Variants in PIEZO2 observed in about 807,000 individuals in gnomAD.
The protein encoded by PIEZO2 is piezo type mechanosensitive ion channel component 2.
A neutral mutation model predicts 337.3 loss-of-function variants in PIEZO2; 172 were observed. That is an observed-to-expected ratio of 0.51 (90% confidence interval 0.45 to 0.58). PIEZO2 has a LOEUF of 0.58. Ranked by LOEUF, PIEZO2 falls within the 20% of genes least tolerant of loss-of-function variation. The pLI is 0.00. For synonymous variants in PIEZO2, 1,251 were observed against 1,228.5 expected, an observed-to-expected ratio of 1.02 and a Z score of -0.38; for missense variants, 3,028 against 3,391.3, an observed-to-expected ratio of 0.89 and a Z score of 2.66.
intron 43 of PIEZO2, among the ~76,000 whole-genome samples, 180 bp from the exon 44 acceptor site, chr18:10,699,357 G>A (rs1415422477): frequency 6.6e-6 from 1 of 152,166 alleles, no homozygotes; most frequent in East Asian, 1.9e-4. Context: ...GAGACCCGGT[G>A]GGACGTAATT....
In PIEZO2 at chr18:10,704,645, G is replaced by A; in HGVS notation, c.6007C>T (p.His2003Tyr). Residue 2003 changes from histidine (H) to tyrosine (Y), a missense_variant, in exon 42 of 56, where the codon CAC becomes TAC. Coordinates refer to ENST00000674853, the MANE Select transcript of PIEZO2 (RefSeq NM_001378183.1). ...TCTGACTCTTCAAGCTCATCGTCGT[G>A]AAACATCCTGTTAAAGCAAACCACA... ...ASELLLKKMF[H>Y]DDELEESEKF... is the part of the protein sequence containing the mutation. 1 of 1,536,210 alleles carries A rather than the reference G, an allele frequency of 6.5e-7. No individual in the cohort carries two copies. Among genetic ancestry groups the A allele is most frequent in the Non-Finnish European group, 8.7e-7 (1 of 1,146,040 alleles).
chr18:10,693,390 T>C (rs1284733814), intron 47 of PIEZO2, among the ~76,000 whole-genome samples: 5 of 114,854 alleles, frequency 4.4e-5, no homozygotes, highest in Admixed American at 4.1e-4. Context: ...GTGTGTGTGA[T>C]GGAGTCTCAC....
chr18:10,750,241 T>C lies in PIEZO2; in HGVS notation c.4168-54A>G, dbSNP rs1385166071. On this transcript the variant is annotated intron_variant, in intron 28 of 55. Transcript: ENST00000674853. This position sits in a 1 kb window ranked among gnomAD's most constrained non-coding sequence, Gnocchi z 4.1. ...GAAGCTCTGCAGCCAGAAAAAAAAG[T>C]GGTGTTTTATGATCCCAACATGTGC... 30 of 1,282,916 alleles carry C rather than the reference T, an allele frequency of 2.3e-5. No individual in the cohort carries two copies. Among genetic ancestry groups the C allele is most frequent in the Non-Finnish European group, 3.3e-5 (30 of 915,698 alleles). 79.5% of individuals were successfully genotyped at this position (1,282,916 alleles called of 1,614,324 possible).
rs943653766 is a variant in PIEZO2 at position 11,080,804 on chromosome 18, A to G, written c.65-14582T>C. 2.6e-5 allele frequency among the ~76,000 whole-genome samples: 4 copies of G among 152,186 alleles called. No individual in the cohort carries two copies. The East Asian group carries it at 5.8e-4, about 22-fold the overall frequency. ...GGTCACGGTGAGCCAAGATGGTGCCACTGCACCCCAGCCTGGCGACAGAGC... is the reference window on the plus strand; with the variant it reads ...GGTCACGGTGAGCCAAGATGGTGCCGCTGCACCCCAGCCTGGCGACAGAGC... On this transcript the variant is annotated intron_variant, in intron 1 of 55. Coordinates refer to ENST00000674853, the MANE Select transcript of PIEZO2 (RefSeq NM_001378183.1). This position sits in a 1 kb window ranked among gnomAD's most constrained non-coding sequence, Gnocchi z 5.4.
At chr18:10,927,607 G>A (rs933518705) in intron 3 of PIEZO2, among the ~76,000 whole-genome samples, 3 of 152,172 alleles carry the variant, frequency 2.0e-5, no homozygotes, top group Non-Finnish European at 4.4e-5. Context: ...CAGTTGAAAA[G>A]CAATCAATAC....
intron 2 of PIEZO2, among the ~76,000 whole-genome samples, chr18:11,046,192 C>G (rs2037308326): frequency 6.6e-6 from 1 of 152,198 alleles, no homozygotes. Flanking sequence ...GTGCGTGGGC[C>G]TTCAAAAAGC....
At chr18:10,722,149 C>CAAAAAA (rs57201451) in intron 36 of PIEZO2, among the ~76,000 whole-genome samples, 1 of 125,400 alleles carries the variant, frequency 8.0e-6, no homozygotes, top group Admixed American at 8.8e-5. Context: ...GACTCCATCT[C>CAAAAAA]AAAAAAAAAA....
intron 2 of PIEZO2, among the ~76,000 whole-genome samples, chr18:11,013,577 C>A (rs1338783054): frequency 6.6e-6 from 1 of 152,200 alleles, no homozygotes; most frequent in Non-Finnish European, 1.5e-5. Flanking sequence ...ATCCACATAC[C>A]AGAAACACAT....
rs1052894532 is a variant in PIEZO2 at position 11,038,593 on chromosome 18, A to G, written c.160+27534T>C. On this transcript the variant is annotated intron_variant, in intron 2 of 55. Transcript: ENST00000674853. The surrounding 1 kb of genome is among the most constrained non-coding windows in gnomAD (Gnocchi z 4.1). ...TATCTATGACCTGTGAACACCCCAC[A>G]GTGCAGCTGAGGAGCAGCATGTAGT... is the stretch of plus-strand genomic sequence containing the variant. 2.6e-5 allele frequency among the ~76,000 whole-genome samples: 4 copies of G among 152,154 alleles called. No homozygotes were observed. The South Asian group carries it at 6.2e-4, about 24-fold the overall frequency.
rs1055821993 is a variant in PIEZO2 at position 11,031,943 on chromosome 18, G to A, written c.160+34184C>T. On this transcript the variant is annotated intron_variant, in intron 2 of 55. Transcript: ENST00000674853. This position sits in a 1 kb window ranked among gnomAD's most constrained non-coding sequence, Gnocchi z 4.7. Reference sequence around the variant, plus strand: ...ATTTCCAAGATACGAGACAAAACTCGTTCTCTCTCTGTCTTTCTCTGTTTC... The same window carrying A: ...ATTTCCAAGATACGAGACAAAACTCATTCTCTCTCTGTCTTTCTCTGTTTC... 3.0e-4 allele frequency among the ~76,000 whole-genome samples: 46 copies of A among 152,034 alleles called. No individual in the cohort carries two copies. The highest frequency in any genetic ancestry group is 9.7e-4 in the African/African-American group (40 of 41,382).
chr18:10,737,166 C>CA, intron 33 of PIEZO2, among the ~76,000 whole-genome samples: 1 of 151,656 alleles, frequency 6.6e-6, no homozygotes, highest in Non-Finnish European at 1.5e-5. Context: ...GCAGATAAGC[C>CA]AATCAGGACG....
Position 10,877,044 on chromosome 18 carries a change from G to A in PIEZO2, c.330-5629C>T, listed in dbSNP as rs1331049899. 6.6e-6 allele frequency among the ~76,000 whole-genome samples: 1 copy of A among 152,146 alleles called. No homozygotes were observed. Among genetic ancestry groups the A allele is most frequent in the East Asian group, 1.9e-4 (1 of 5,194 alleles). On this transcript the variant is annotated intron_variant, in intron 4 of 55. Coordinates refer to ENST00000674853, the MANE Select transcript of PIEZO2 (RefSeq NM_001378183.1). This position sits in a 1 kb window ranked among gnomAD's most constrained non-coding sequence, Gnocchi z 5.3. ...TCTCTACCTACCTATGAATATCCATGAAAACTCATGTTGCTGGGAAGCCCC... is the reference window on the plus strand; with the variant it reads ...TCTCTACCTACCTATGAATATCCATAAAAACTCATGTTGCTGGGAAGCCCC...
At chr18:10,976,003 C>T (rs1441105196) in intron 3 of PIEZO2, among the ~76,000 whole-genome samples, 2 of 152,204 alleles carry the variant, frequency 1.3e-5, no homozygotes, top group African/African-American at 2.4e-5. Flanking sequence ...TTTGGGATAT[C>T]GAAATGACTG....
At position 10,744,110 on chromosome 18, in the gene PIEZO2, G is replaced by A. The variant is rs8093389; in HGVS notation, c.4514+32C>T. The A allele has an allele frequency of 0.56, 809,675 of 1,448,524 alleles. 232,591 individuals are homozygous for A. Among genetic ancestry groups the A allele is most frequent in the African/African-American group, 0.89 (63,641 of 71,224 alleles). 89.7% of individuals were successfully genotyped at this position (1,448,524 alleles called of 1,614,324 possible). A position where few individuals can be genotyped will look rare whatever the true frequency, so the allele number is the denominator to read the frequency against. ...GAATGTGGTCACACAATCAGAAGACGGAAGGAGGATGAGCATCAATAGCAT... is the reference window on the plus strand; with the variant it reads ...GAATGTGGTCACACAATCAGAAGACAGAAGGAGGATGAGCATCAATAGCAT... On this transcript the variant is annotated intron_variant, in intron 31 of 55. Coordinates refer to ENST00000674853, the MANE Select transcript of PIEZO2 (RefSeq NM_001378183.1).
In PIEZO2 at chr18:10,912,389, C is replaced by T. The variant is rs576211300; in HGVS notation, c.287-1161G>A. ...GGTAAACATATTCTGATTTCAGTAA[C>T]TATTGCAGGTAAATACCCACCTAGC... On this transcript the variant is annotated intron_variant, in intron 3 of 55. Coordinates refer to ENST00000674853, the MANE Select transcript of PIEZO2 (RefSeq NM_001378183.1). 2.2e-4 allele frequency among the ~76,000 whole-genome samples: 33 copies of T among 152,314 alleles called. No individual in the cohort carries two copies. The South Asian group carries it at 4.3e-3, about 20-fold the overall frequency.
rs529836559 is a variant in PIEZO2, at chr18:10,699,269, C to T, written c.6442-92G>A. 111 of 1,476,820 alleles carry T rather than the reference C, an allele frequency of 7.5e-5. No individual in the cohort carries two copies. In the African/African-American group the frequency reaches 1.2e-3, roughly 16 times the overall value. The allele number at this position is 1,476,820 out of a possible 1,614,324, so 91.5% of individuals were successfully genotyped here. ...ACAAAATCTCATCCAACAAACTGTC[C>T]TTCAAGATTAGAAAAGCAAGATGAT... On this transcript the variant is annotated intron_variant, in intron 43 of 55. Coordinates refer to ENST00000674853, the MANE Select transcript of PIEZO2 (RefSeq NM_001378183.1).
chr18:10,855,644 AATTAT>A lies in PIEZO2; in HGVS notation c.704-83_704-79del. 1 of 1,133,346 alleles carries A rather than the reference AATTAT, an allele frequency of 8.8e-7. No homozygotes were observed. The highest frequency in any genetic ancestry group is 1.2e-6 in the Non-Finnish European group (1 of 812,826). The allele number at this position is 1,133,346 out of a possible 1,614,324, so 70.2% of individuals were successfully genotyped here. On this transcript the variant is annotated intron_variant, in intron 6 of 55. Transcript: ENST00000674853. The surrounding 1 kb of genome is among the most constrained non-coding windows in gnomAD (Gnocchi z 4.9). ...TCATTCAGTGAATGTGACTATTTGA[AATTAT>A]GTGAATTTCCTTCAAGTGTTTTTAG...
intron 2 of PIEZO2, among the ~76,000 whole-genome samples, chr18:11,062,318 C>T (rs1323111907): frequency 6.6e-6 from 1 of 152,006 alleles, no homozygotes; most frequent in Non-Finnish European, 1.5e-5. Context: ...AGAAGAAAAC[C>T]TAGGCAATAC....
At chr18:10,689,609 T>C (rs752928814) in intron 49 of PIEZO2, 46 bp downstream of exon 49, 1 of 1,613,320 alleles carries the variant, frequency 6.2e-7, no homozygotes, top group Admixed American at 1.7e-5. Context: ...CCAGCCTGTA[T>C]CTAAGAGAAG....
Sources: gnomAD v4.1 joint callset for allele counts (sites outside exome capture counted in the v4.1 genomes callset) on GRCh38, gnomAD v4.1.1 for gene constraint, Gnocchi (gnomAD v3.1) non-coding constraint, MANE v1.5 for transcripts, NCBI Gene and HGNC (gene_info 2026-07-23, HGNC 2026-07-21) for gene names.